ZNF423: variants seen among roughly 807,000 people sequenced by gnomAD.
ZNF423 encodes zinc finger protein 423.
A neutral mutation model predicts 95.8 loss-of-function variants in ZNF423; 12 were observed. That is an observed-to-expected ratio of 0.13 (90% CI 0.08 to 0.20). The LOEUF is 0.20. ZNF423 is among the 10% of genes least tolerant of loss of function. ZNF423 has a pLI of 1.00. For synonymous variants in ZNF423, 749 were observed against 711.9 expected, an observed-to-expected ratio of 1.05 and a Z score of -0.83; for missense variants, 1,316 against 1,737.1, an observed-to-expected ratio of 0.76 and a Z score of 4.31.
chr16:49,662,020 G>A (rs148368395), intron 3 of ZNF423, among the ~76,000 whole-genome samples: 2 of 152,180 alleles, frequency 1.3e-5, no homozygotes, highest in South Asian at 2.1e-4. Flanking sequence ...CATTGTGTGT[G>A]GTTTCCAGTC....
chr16:49,857,466 CTG>C (rs2035384139), upstream of ZNF423, among the ~76,000 whole-genome samples: 2 of 152,276 alleles, frequency 1.3e-5, no homozygotes, highest in South Asian at 4.1e-4. This position sits in a 1 kb window ranked among gnomAD's most constrained non-coding sequence, Gnocchi z 6.2. Flanking sequence ...GCCTCACAAA[CTG>C]TAAAAAGTGA....
chr16:49,633,675 C>G (rs931457835), intron 4 of ZNF423, among the ~76,000 whole-genome samples: 1 of 152,140 alleles, frequency 6.6e-6, no homozygotes, highest in Non-Finnish European at 1.5e-5. Context: ...CCTATGCCCC[C>G]CTAGAAAGGC....
rs567871694 is a variant in ZNF423, at chr16:49,684,084, A to T, written c.302-45210T>A. On this transcript the variant is annotated intron_variant, in intron 3 of 7. Coordinates refer to ENST00000563137, the MANE Select transcript of ZNF423 (RefSeq NM_001379286.1). ...AGATCTGGTCTCAAAAAATTAAAAT[A>T]AAATAAATAAGAGCAGCTACAAGGA... Among the ~76,000 whole-genome samples, 8 of 152,268 alleles carry T rather than the reference A, an allele frequency of 5.3e-5. 1 individual carries two copies. In the South Asian group the frequency reaches 6.2e-4, roughly 12 times the overall value.
rs569507095 is a variant in ZNF423, at chr16:49,637,771, G to A, written c.1405C>T (p.Arg469Cys). Residue 469 changes from arginine (R) to cysteine (C), a missense_variant, in exon 4 of 8, where the codon CGC (arginine) becomes TGC (cysteine). Coordinates refer to ENST00000563137, the MANE Select transcript of ZNF423 (RefSeq NM_001379286.1). This position sits in a 1 kb window ranked among gnomAD's most constrained non-coding sequence, Gnocchi z 5.6. ...TAGGCATGGTTCTTGTGCAGCTTGCGAACGTGCTCGTTGAGGTTGTAGAGG... is the reference window on the plus strand; with the variant it reads ...TAGGCATGGTTCTTGTGCAGCTTGCAAACGTGCTCGTTGAGGTTGTAGAGG... Reference protein sequence around the residue: ...PTLYNLNEHVRKLHKNHAYPV... With the variant: ...PTLYNLNEHVCKLHKNHAYPV... 1.1e-5 allele frequency: 17 copies of A among 1,614,130 alleles called. No individual in the cohort carries two copies. The highest frequency in any genetic ancestry group is 3.3e-5 in the Admixed American group (2 of 60,030).
At chr16:49,634,348 CCT>C (rs1474720621) in intron 4 of ZNF423, among the ~76,000 whole-genome samples, 3 of 152,078 alleles carry the variant, frequency 2.0e-5, no homozygotes, top group Non-Finnish European at 4.4e-5. Flanking sequence ...CAGCACCCGG[CCT>C]CGCTATTTTC....
At chr16:49,762,874 C>G (rs2033857333) in intron 2 of ZNF423, among the ~76,000 whole-genome samples, 1 of 152,202 alleles carries the variant, frequency 6.6e-6, no homozygotes, top group South Asian at 2.1e-4. Context: ...CCCACAACCT[C>G]CACATCACTG....
chr16:49,800,946 T>C (rs548501891), intron 1 of ZNF423, among the ~76,000 whole-genome samples: 36 of 152,216 alleles, frequency 2.4e-4, no homozygotes, highest in African/African-American at 8.4e-4. Flanking sequence ...AGCCCAGCCA[T>C]GGGGTAGGAA....
chr16:49,539,194 T>C (rs549278937), intron 5 of ZNF423, among the ~76,000 whole-genome samples: 3 of 152,208 alleles, frequency 2.0e-5, no homozygotes, highest in Non-Finnish European at 4.4e-5. Flanking sequence ...CCCTGGAGCA[T>C]TCAGGTCCAG....
intron 3 of ZNF423, among the ~76,000 whole-genome samples, chr16:49,684,140 A>T (rs1176523865): frequency 6.6e-6 from 1 of 152,200 alleles, no homozygotes; most frequent in African/African-American, 2.4e-5. Context: ...TCAGACCGTG[A>T]ACTCCCTGGG....
At position 49,579,990 on chromosome 16, in the gene ZNF423, C is replaced by G. The variant is rs1159467038; in HGVS notation, c.3601+46180G>C. 2.0e-5 allele frequency among the ~76,000 whole-genome samples: 3 copies of G among 152,202 alleles called. No homozygotes were observed. The East Asian group carries it at 5.8e-4, about 29-fold the overall frequency. On this transcript the variant is annotated intron_variant, in intron 5 of 7. Coordinates refer to ENST00000563137, the MANE Select transcript of ZNF423 (RefSeq NM_001379286.1). ...CACCACCATGGACTGTCATCTCCAG[C>G]CAGTACAGCAGCAGCAGTGGCCACC...
In ZNF423 at chr16:49,822,689, T is replaced by C. The variant is rs1335199957; in HGVS notation, c.40+33046A>G. The C allele has an allele frequency of 5.6e-6, 9 of 1,611,928 alleles. No individual in the cohort carries two copies. The African/African-American group carries it at 1.1e-4, about 19-fold the overall frequency. ...GCTCACCCCTCTTCTTATGCATCCA[T>C]GTCTTTCTTCTTTTACAGGGTAAAA... On this transcript the variant is annotated intron_variant, in intron 1 of 7. Transcript: ENST00000563137.
chr16:49,727,928 G>A (rs982259757), intron 3 of ZNF423, among the ~76,000 whole-genome samples: 9 of 152,226 alleles, frequency 5.9e-5, no homozygotes, highest in Non-Finnish European at 8.8e-5. Flanking sequence ...GGGAGCCTGC[G>A]ATTGCACATT....
At chr16:49,522,175 G>A (rs1402847948) in intron 7 of ZNF423, among the ~76,000 whole-genome samples, 1 of 152,186 alleles carries the variant, frequency 6.6e-6, no homozygotes, top group South Asian at 2.1e-4. Context: ...GGTCCCCCCT[G>A]GAGGGCCAAA....
chr16:49,565,795 AT>A (rs1445680383), intron 5 of ZNF423, among the ~76,000 whole-genome samples: 1 of 152,102 alleles, frequency 6.6e-6, no homozygotes, highest in Non-Finnish European at 1.5e-5. Flanking sequence ...ATCCAACACA[AT>A]TTTAGATGTC....
intron 5 of ZNF423, among the ~76,000 whole-genome samples, chr16:49,580,557 C>A (rs979776844): frequency 2.0e-5 from 3 of 152,100 alleles, no homozygotes; most frequent in Admixed American, 6.5e-5. Context: ...GCAGAACTTC[C>A]CCATTGCCAA....
intron 2 of ZNF423, among the ~76,000 whole-genome samples, chr16:49,780,244 C>T (rs1183371318): frequency 1.3e-5 from 2 of 152,288 alleles, no homozygotes; most frequent in East Asian, 1.9e-4. Flanking sequence ...GCAGGCATGT[C>T]GACGAGGAAG....
chr16:49,581,521 C>T (rs1448720284), intron 5 of ZNF423, among the ~76,000 whole-genome samples: 1 of 152,184 alleles, frequency 6.6e-6, no homozygotes, highest in African/African-American at 2.4e-5. Context: ...TTTGCTAGGC[C>T]TCCATTAGCT....
At chr16:49,776,642 G>T (rs1389599666) in intron 2 of ZNF423, among the ~76,000 whole-genome samples, 1 of 152,218 alleles carries the variant, frequency 6.6e-6, no homozygotes, top group African/African-American at 2.4e-5. Flanking sequence ...GAAGTCACAT[G>T]CAAGTTGGGG....
chr16:49,719,353 A>G (rs934510043), intron 3 of ZNF423, among the ~76,000 whole-genome samples: 2 of 152,314 alleles, frequency 1.3e-5, no homozygotes, highest in Admixed American at 6.5e-5. Flanking sequence ...GGGGGAAAAA[A>G]CTTATTATTG....
Sources: allele counts gnomAD v4.1 joint callset (sites outside exome capture counted in the v4.1 genomes callset), GRCh38; gene constraint gnomAD v4.1.1; non-coding constraint Gnocchi (gnomAD v3.1); transcripts MANE v1.5; gene names NCBI Gene and HGNC (gene_info 2026-07-23, HGNC 2026-07-21).